Variants in ZFPM2 observed in about 807,000 individuals in gnomAD.
ZFPM2 encodes the protein zinc finger protein, FOG family member 2.
A neutral mutation model predicts 98.6 loss-of-function variants in ZFPM2; 20 were observed. The observed-to-expected ratio is 0.20, with a 90% CI of 0.14 to 0.29. The LOEUF (loss-of-function observed/expected upper bound fraction) is 0.29, where lower values mean the gene tolerates loss of function less well. Among genes scored for constraint, ZFPM2 ranks in the 10% least tolerant of loss-of-function variants. The pLI, the probability that ZFPM2 is intolerant of heterozygous loss-of-function variation, is 1.00. For missense variants in ZFPM2, 1,310 were observed against 1,388.6 expected, an observed-to-expected ratio of 0.94 and a Z score of 0.90; for synonymous variants, 518 against 502.7, an observed-to-expected ratio of 1.03 and a Z score of -0.41.
chr8:105,375,734 A>G (rs926992021), intron 1 of ZFPM2, among the ~76,000 whole-genome samples: 2 of 152,166 alleles, frequency 1.3e-5, no homozygotes, highest in African/African-American at 4.8e-5. Context: ...AGACAAAAGT[A>G]CAAACTGAAA....
rs1813918468 is a variant in ZFPM2, at chr8:105,798,924, G to A, written c.940G>A (p.Glu314Lys). 1 of 1,613,746 alleles carries A rather than the reference G, an allele frequency of 6.2e-7. No homozygotes were observed. The highest frequency in any genetic ancestry group is 8.5e-7 in the Non-Finnish European group (1 of 1,179,800). The change falls in exon 7 of 8, where the codon GAA becomes AAA. Residue 314 changes from glutamate (E) to lysine (K), a missense_variant. Glu to Lys is a moderately conservative substitution (Grantham distance 56). Coordinates refer to ENST00000407775, the MANE Select transcript of ZFPM2 (RefSeq NM_012082.4). ...TKSFSNARAL[E>K]MHLNSHSGVK... The stretch of plus-strand genomic sequence containing the variant: ...GAGCTTTTCAAATGCTCGAGCTCTA[G>A]AAATGCACCTGAATTCACACAGTGG...
chr8:105,744,399 A>C (rs143173700), intron 5 of ZFPM2, among the ~76,000 whole-genome samples: 18 of 152,208 alleles, frequency 1.2e-4, no homozygotes, highest in African/African-American at 4.3e-4. Context: ...TGCTTATCAC[A>C]TATGCATTGA....
intron 1 of ZFPM2, among the ~76,000 whole-genome samples, chr8:105,393,244 TA>T (rs1811142651): frequency 6.6e-6 from 1 of 152,102 alleles, no homozygotes; most frequent in Non-Finnish European, 1.5e-5. Flanking sequence ...GACAGCCTAA[TA>T]AAAATAGCTG....
At chr8:105,332,725 C>G (rs1812255545) in intron 1 of ZFPM2, among the ~76,000 whole-genome samples, 1 of 151,526 alleles carries the variant, frequency 6.6e-6, no homozygotes, top group Non-Finnish European at 1.5e-5. Context: ...CAGGTTAAGC[C>G]TCTAGGATGA....
At chr8:105,589,005 T>G (rs1265305380) in intron 4 of ZFPM2, among the ~76,000 whole-genome samples, 1 of 152,208 alleles carries the variant, frequency 6.6e-6, no homozygotes, top group East Asian at 1.9e-4. Flanking sequence ...CCCGTTATGT[T>G]TTAAAACCTT....
intron 1 of ZFPM2, among the ~76,000 whole-genome samples, chr8:105,345,425 CT>C (rs10560485): frequency 0.12 from 11,498 of 97,854 alleles, 554 homozygotes; most frequent in Non-Finnish European, 0.14. Flanking sequence ...TCGTGATGTT[CT>C]TTTTTTTTTT....
chr8:105,403,922 A>T (rs946633400), intron 1 of ZFPM2, among the ~76,000 whole-genome samples: 3 of 151,858 alleles, frequency 2.0e-5, no homozygotes, highest in Non-Finnish European at 4.4e-5. Context: ...CTGGCATTGC[A>T]AACGGAACAA....
chr8:105,655,191 A>G (rs1479186935), intron 5 of ZFPM2, among the ~76,000 whole-genome samples: 1 of 144,684 alleles, frequency 6.9e-6, no homozygotes, highest in African/African-American at 2.6e-5. Flanking sequence ...ACTCACAATT[A>G]TAAAGTTAAG....
At chr8:105,430,380 C>T (rs931098798) in intron 2 of ZFPM2, among the ~76,000 whole-genome samples, 1 of 152,116 alleles carries the variant, frequency 6.6e-6, no homozygotes, top group Non-Finnish European at 1.5e-5. Context: ...TTTCAACTTC[C>T]TAATTTGTTG....
At chr8:105,349,615 C>T (rs1426570263) in intron 1 of ZFPM2, among the ~76,000 whole-genome samples, 2 of 152,134 alleles carry the variant, frequency 1.3e-5, no homozygotes, top group African/African-American at 4.8e-5. Flanking sequence ...CTTCTAGAAA[C>T]TCTGCATCAT....
intron 3 of ZFPM2, among the ~76,000 whole-genome samples, chr8:105,450,865 A>G (rs1185401018): frequency 6.6e-6 from 1 of 152,126 alleles, no homozygotes; most frequent in Non-Finnish European, 1.5e-5. Flanking sequence ...TTAAAAGATG[A>G]AAGCCTGGCT....
chr8:105,383,254 T>G (rs1810922251), intron 1 of ZFPM2, among the ~76,000 whole-genome samples: 1 of 152,152 alleles, frequency 6.6e-6, no homozygotes, highest in Admixed American at 6.5e-5. Context: ...GATATTTCAC[T>G]AAGTACTGTT....
chr8:105,513,307 G>A (rs1457523261), intron 3 of ZFPM2, among the ~76,000 whole-genome samples: 1 of 152,042 alleles, frequency 6.6e-6, no homozygotes, highest in African/African-American at 2.4e-5. Context: ...AAATCCTCAG[G>A]TAGCGAAATA....
At chr8:105,586,848 TTA>T (rs35303072) in intron 4 of ZFPM2, among the ~76,000 whole-genome samples, 13,892 of 146,916 alleles carry the variant, frequency 0.095, 667 homozygotes, top group African/African-American at 0.13. Context: ...TATAAATATT[TTA>T]TATATATATA....
intron 5 of ZFPM2, among the ~76,000 whole-genome samples, chr8:105,693,170 C>G (rs959352481): frequency 6.6e-6 from 1 of 152,152 alleles, no homozygotes; most frequent in East Asian, 1.9e-4. Context: ...AAAATTGTCA[C>G]ATAAAGAGAA....
chr8:105,618,817 A>G (rs1204588268), intron 4 of ZFPM2, among the ~76,000 whole-genome samples: 3 of 152,148 alleles, frequency 2.0e-5, no homozygotes, highest in Admixed American at 6.6e-5. Context: ...TCTGGCCCCC[A>G]AAATACAAAA....
chr8:105,577,283 G>C (rs1197414271), intron 4 of ZFPM2, among the ~76,000 whole-genome samples: 1 of 152,082 alleles, frequency 6.6e-6, no homozygotes, highest in Non-Finnish European at 1.5e-5. Flanking sequence ...ATATTTTTAA[G>C]TAAACCTAAC....
intron 5 of ZFPM2, among the ~76,000 whole-genome samples, chr8:105,754,677 C>G (rs1467921448): frequency 7.3e-6 from 1 of 137,208 alleles, no homozygotes; most frequent in Non-Finnish European, 1.5e-5. Context: ...AAAGTAGTAG[C>G]AACCTTTTTT....
intron 7 of ZFPM2, 37 bp from the exon 8 acceptor site, chr8:105,801,010 A>G (rs997235458): frequency 6.4e-7 from 1 of 1,566,742 alleles, no homozygotes; most frequent in Non-Finnish European, 8.7e-7. Flanking sequence ...ACCAACACAC[A>G]TGTTTCTCAT....
Sources: gnomAD v4.1 joint callset for allele counts (sites outside exome capture counted in the v4.1 genomes callset) on GRCh38, gnomAD v4.1.1 for gene constraint, MANE v1.5 for transcripts, NCBI Gene and HGNC (gene_info 2026-07-23, HGNC 2026-07-21) for gene names.